Variants in KIF5B observed in about 807,000 individuals in gnomAD.
KIF5B encodes the protein kinesin-1 heavy chain.
Under a neutral mutation model 132.8 loss-of-function variants are expected in KIF5B, and 49 were observed. That is an observed-to-expected ratio of 0.37 (90% CI 0.29 to 0.47). The LOEUF (loss-of-function observed/expected upper bound fraction) is 0.47. Ranked by LOEUF, KIF5B falls within the 20% of genes least tolerant of loss-of-function variation. The probability of loss-of-function intolerance (pLI) is 1.00; values close to 1 mark genes in which losing one functional copy is unlikely to be tolerated. For synonymous variants in KIF5B, 355 were observed against 369.4 expected (o/e 0.96, Z 0.45); for missense variants, 780 against 1,144.0 (o/e 0.68, Z 4.59).
intron 22 of KIF5B, 46 bp downstream of exon 22, chr10:32,018,270 G>T (rs765749688): frequency 1.2e-5 from 17 of 1,460,080 alleles, no homozygotes; most frequent in Non-Finnish European, 9.2e-7. Context: ...TTACCTAGAA[G>T]TAAGCACCAT....
Position 32,056,304 on chromosome 10 carries a change from G to C in KIF5B, c.-331C>G, listed in dbSNP as rs916978605. ...GGGGGCTGGGGAGGTTCTGGGGACC[G>C]GGAGAGTGGCCACCTTCTTCCTCCT... On this transcript the variant is annotated 5_prime_UTR_variant, in exon 1 of 26. Coordinates refer to ENST00000302418, the MANE Select transcript of KIF5B (RefSeq NM_004521.3). 3.3e-6 allele frequency: 1 copy of C among 302,394 alleles called. No individual in the cohort carries two copies. Among genetic ancestry groups the C allele is most frequent in the African/African-American group, 2.3e-5 (1 of 43,506 alleles). 18.7% of individuals were successfully genotyped at this position (302,394 alleles called of 1,614,324 possible). A position where few individuals can be genotyped will look rare whatever the true frequency, so the allele number is the denominator to read the frequency against.
chr10:32,024,676 A>G (rs1435862883), intron 15 of KIF5B, among the ~76,000 whole-genome samples: 13 of 151,864 alleles, frequency 8.6e-5, no homozygotes, highest in Non-Finnish European at 4.4e-5. Context: ...GAGGCAGAAG[A>G]ATTGCTTGAA....
chr10:32,012,064 T>A (rs1841090521), intron 25 of KIF5B, among the ~76,000 whole-genome samples: 1 of 152,192 alleles, frequency 6.6e-6, no homozygotes, highest in South Asian at 2.1e-4. Flanking sequence ...CTATTTAAAG[T>A]ACTATGCAAG....
At chr10:32,028,631 T>G in intron 14 of KIF5B, 60 bp from the exon 15 acceptor site, 2 of 1,412,852 alleles carry the variant, frequency 1.4e-6, no homozygotes, top group Non-Finnish European at 2.0e-6. Context: ...TCAAATCAAA[T>G]ACTCATCGGT....
chr10:32,023,295 A>C (rs1841289780), intron 15 of KIF5B, among the ~76,000 whole-genome samples: 1 of 152,242 alleles, frequency 6.6e-6, no homozygotes, highest in South Asian at 2.1e-4. Context: ...ATGTAAACCT[A>C]AAGAAAACAC....
chr10:32,055,060 C>T (rs879419817), intron 1 of KIF5B, among the ~76,000 whole-genome samples: 6 of 152,038 alleles, frequency 3.9e-5, no homozygotes, highest in Non-Finnish European at 5.9e-5. Flanking sequence ...AAAGTTAATA[C>T]TTTTTCCTAG....
chr10:32,054,928 T>G (rs1841733286), intron 1 of KIF5B, among the ~76,000 whole-genome samples: 1 of 147,794 alleles, frequency 6.8e-6, no homozygotes, highest in Admixed American at 6.7e-5. Context: ...TTCTTGGGAT[T>G]ACCAAACAAC....
rs759706128 is a variant in KIF5B at position 32,044,540 on chromosome 10, C to T, written c.214+3924G>A. Among the ~76,000 whole-genome samples the T allele has an allele frequency of 2.0e-5, 3 of 152,050 alleles. No individual in the cohort carries two copies. In the South Asian group the frequency reaches 6.2e-4, roughly 32 times the overall value. ...CACAAAAATTAGCAGGGTGTGGTGG[C>T]GCATGCCCGTAATCCCAGCTACTCA... On this transcript the variant is annotated intron_variant, in intron 2 of 25. Transcript: ENST00000302418.
chr10:32,031,098 A>C lies in KIF5B; in HGVS notation c.1556T>G (p.Leu519Arg). The C allele has an allele frequency of 6.2e-7, 1 of 1,613,102 alleles. No individual in the cohort carries two copies. Among genetic ancestry groups the C allele is most frequent in the South Asian group, 1.1e-5 (1 of 91,070 alleles). The change falls in exon 14 of 26, where the codon CTT becomes CGT. Residue 519 changes from leucine (L) to arginine (R), a missense_variant. By Grantham distance (102) the Leu-to-Arg change is moderately radical. This residue lies in a region of KIF5B where 471 missense variants were observed against 569.9 expected (regional missense o/e 0.83). Transcript: ENST00000302418. ...CGATTTCTGATTCAATTCATCACTA[A>C]GCAATTCATATTCCTTAGTTTTGTC... ...VEDKTKEYEL[L>R]SDELNQKSAT...
chr10:32,040,506 T>A (rs1197819605), intron 2 of KIF5B, 49 bp from the exon 3 acceptor site: 2 of 1,071,472 alleles, frequency 1.9e-6, no homozygotes, highest in Non-Finnish European at 2.9e-6. Flanking sequence ...TTAAGCAAGA[T>A]TCCTAAGAAA....
chr10:32,021,174 C>T, intron 18 of KIF5B, 43 bp from the exon 19 acceptor site: 1 of 1,601,612 alleles, frequency 6.2e-7, no homozygotes, highest in Non-Finnish European at 8.6e-7. Flanking sequence ...TCAGACTAAT[C>T]AAAATTAATA....
intron 23 of KIF5B, 34 bp downstream of exon 23, chr10:32,018,018 T>C (rs1841199118): frequency 1.6e-6 from 2 of 1,235,032 alleles, no homozygotes; most frequent in Non-Finnish European, 1.2e-6. Flanking sequence ...ATTTTTACTA[T>C]CTTGCAGCTA....
intron 1 of KIF5B, among the ~76,000 whole-genome samples, chr10:32,052,875 T>G (rs1564472115): frequency 6.6e-6 from 1 of 152,208 alleles, no homozygotes; most frequent in Non-Finnish European, 1.5e-5. Context: ...TATGAAAGAT[T>G]TGCCTGCCAT....
chr10:32,031,190 C>A lies in KIF5B; in HGVS notation c.1464G>T (p.Val488=). The A allele has an allele frequency of 6.2e-7, 1 of 1,613,982 alleles. No individual in the cohort carries two copies. Among genetic ancestry groups the A allele is most frequent in the Non-Finnish European group, 8.5e-7 (1 of 1,179,932 alleles). The change falls in exon 14 of 26, where the codon GTG becomes GTT. Residue 488 remains valine (V), a synonymous_variant. Coordinates refer to ENST00000302418, the MANE Select transcript of KIF5B (RefSeq NM_004521.3). ...QAENDASKEE[V]KEVLQALEEL... is the part of the protein sequence containing the mutation. ...CTTCTAGGGCCTGTAAAACTTCTTT[C>A]ACTTCTTCTTTAGAGGCATCATTTT... is the stretch of plus-strand genomic sequence containing the variant.
chr10:32,040,227 G>A (rs1197063020), intron 3 of KIF5B, among the ~76,000 whole-genome samples, 157 bp downstream of exon 3: 1 of 152,124 alleles, frequency 6.6e-6, no homozygotes, highest in East Asian at 1.9e-4. Flanking sequence ...CTCAGGAACT[G>A]ATTAGATTCC....
chr10:32,039,602 T>C (rs567304028), intron 3 of KIF5B, among the ~76,000 whole-genome samples, 171 bp from the exon 4 acceptor site: 2 of 152,266 alleles, frequency 1.3e-5, no homozygotes, highest in Admixed American at 1.3e-4. Flanking sequence ...TACACAGTAC[T>C]GTACATCAAC....
chr10:32,015,473 C>T, intron 25 of KIF5B, 36 bp downstream of exon 25: 4 of 1,456,800 alleles, frequency 2.7e-6, no homozygotes, highest in Non-Finnish European at 3.7e-6. Flanking sequence ...CAATTTTCCA[C>T]AAACAGATAT....
chr10:32,034,084 G>C, intron 11 of KIF5B, 46 bp from the exon 12 acceptor site: 1 of 1,172,910 alleles, frequency 8.5e-7, no homozygotes, highest in Non-Finnish European at 1.2e-6. Flanking sequence ...GACGTCTAAA[G>C]CTAATTTCAA....
chr10:32,030,922 T>C (rs968298750), intron 14 of KIF5B, 151 bp downstream of exon 14: 24 of 620,200 alleles, frequency 3.9e-5, no homozygotes, highest in Middle Eastern at 8.6e-4. Context: ...TAAGGCTTCA[T>C]ATACAGAAAG....
Sources: gnomAD v4.1 joint callset for allele counts (sites outside exome capture counted in the v4.1 genomes callset) on GRCh38, gnomAD v4.1.1 for gene constraint, gnomAD v4.1.1 regional missense constraint, MANE v1.5 for transcripts, NCBI Gene and HGNC (gene_info 2026-07-23, HGNC 2026-07-21) for gene names.